The following PKNOX1 variants were observed in gnomAD, a reference collection of about 807,000 sequenced individuals.
The protein encoded by PKNOX1 is homeobox protein PKNOX1.
In PKNOX1, 15 loss-of-function variants were observed where a neutral mutation model predicts 51.9. The ratio of observed to expected loss-of-function variants is 0.29; its 90% CI spans 0.19 to 0.45. PKNOX1 has a LOEUF of 0.45. PKNOX1 is among the 20% of genes least tolerant of loss of function. The pLI, the probability that PKNOX1 is intolerant of heterozygous loss-of-function variation, is 1.00. For missense variants in PKNOX1, 462 were observed against 547.5 expected (o/e 0.84, Z 1.56); for synonymous variants, 219 against 211.1 (o/e 1.04, Z -0.32).
At chr21:43,006,276 A>G (rs965572337) in intron 2 of PKNOX1, among the ~76,000 whole-genome samples, 1 of 152,074 alleles carries the variant, frequency 6.6e-6, no homozygotes, top group Non-Finnish European at 1.5e-5. Context: ...GGTGTGTGCC[A>G]CCACGCCCAG....
At position 43,004,431 on chromosome 21, in the gene PKNOX1, AGGTGAGC is replaced by A; in HGVS notation, c.51_51+6del. On this transcript the variant is annotated splice_donor_variant and splice_donor_5th_base_variant and coding_sequence_variant and intron_variant, in exon 2 of 11. Coordinates refer to ENST00000291547, the MANE Select transcript of PKNOX1 (RefSeq NM_004571.5). LOFTEE classifies it high-confidence loss of function. The stretch of plus-strand genomic sequence containing the variant: ...ATAGACAGCTATCAAGATGGGCAAC[AGGTGAGC>A]TTGAACTTGATTCTGCATTCTAATT... 4 of 1,599,792 alleles carry A rather than the reference AGGTGAGC, an allele frequency of 2.5e-6. No homozygotes were observed. Among genetic ancestry groups the A allele is most frequent in the Non-Finnish European group, 3.4e-6 (4 of 1,166,996 alleles).
At position 43,030,803 on chromosome 21, in the gene PKNOX1, A is replaced by T. The variant is rs1980231995; in HGVS notation, c.*702A>T. The T allele has an allele frequency of 6.6e-6, 1 of 152,262 alleles. No individual in the cohort carries two copies. The highest frequency in any genetic ancestry group is 1.5e-5 in the Non-Finnish European group (1 of 68,034). 9.4% of individuals were successfully genotyped at this position (152,262 alleles called of 1,614,324 possible). On this transcript the variant is annotated 3_prime_UTR_variant, in exon 11 of 11. Transcript: ENST00000291547. ...GCTTGCTATTAATATTTCAATTTGG[A>T]ATGTTCTGAATTGACCAAATTTAAT... is the stretch of plus-strand genomic sequence containing the variant.
intron 1 of PKNOX1, among the ~76,000 whole-genome samples, chr21:42,987,269 C>CTACTCGGG (rs2059056639): frequency 1.3e-5 from 2 of 150,220 alleles, no homozygotes; most frequent in African/African-American, 4.9e-5. Flanking sequence ...GTAATCCCAG[C>CTACTCGGG]TACTCGGGAG....
At chr21:43,009,348 G>T (rs2146268792) in intron 3 of PKNOX1, among the ~76,000 whole-genome samples, 1 of 152,234 alleles carries the variant, frequency 6.6e-6, no homozygotes, top group Middle Eastern at 3.4e-3. Flanking sequence ...GGGAGGCTGA[G>T]GCAGGAGAAT....
chr21:42,985,137 G>A (rs963974452), intron 1 of PKNOX1, among the ~76,000 whole-genome samples: 22 of 151,734 alleles, frequency 1.4e-4, no homozygotes, highest in Non-Finnish European at 2.6e-4. Flanking sequence ...ACAGGCATGC[G>A]CCACCATGCC....
At chr21:42,984,083 C>T (rs199823187) in intron 1 of PKNOX1, among the ~76,000 whole-genome samples, 19 of 149,822 alleles carry the variant, frequency 1.3e-4, no homozygotes, top group South Asian at 6.3e-4. Flanking sequence ...CGTGTGTGTG[C>T]GTGTGTGTGT....
At chr21:43,028,063 G>A (rs1046593284) in intron 9 of PKNOX1, among the ~76,000 whole-genome samples, 2 of 152,240 alleles carry the variant, frequency 1.3e-5, no homozygotes, top group Admixed American at 6.5e-5. Context: ...TGGTGCCTAC[G>A]TGCTGTGCTG....
rs185119189 is a variant in PKNOX1, at chr21:42,995,726, G to A, written c.-56-8600G>A. Among the ~76,000 whole-genome samples, 19 of 152,192 alleles carry A rather than the reference G, an allele frequency of 1.2e-4. No homozygotes were observed. The East Asian group carries it at 3.3e-3, about 26-fold the overall frequency. On this transcript the variant is annotated intron_variant, in intron 1 of 10. Transcript: ENST00000291547. Reference sequence around the variant, plus strand: ...CTTGTGGCAGGTACTTTGAGATTATGTACATTTCCTGTTTCTCATACTTTC... The same window carrying A: ...CTTGTGGCAGGTACTTTGAGATTATATACATTTCCTGTTTCTCATACTTTC...
At chr21:43,023,734 C>G (rs1026750481) in intron 8 of PKNOX1, among the ~76,000 whole-genome samples, 3 of 151,966 alleles carry the variant, frequency 2.0e-5, no homozygotes, top group Non-Finnish European at 4.4e-5. Flanking sequence ...TCTGCCTCAG[C>G]CTCCCGAATA....
intron 3 of PKNOX1, 170 bp downstream of exon 3, chr21:43,007,788 G>C (rs1479795519): frequency 9.1e-6 from 6 of 657,646 alleles, no homozygotes; most frequent in African/African-American, 7.3e-5. Flanking sequence ...TTCTGGCCAG[G>C]TGTGGTGGCT....
rs1018836011 is a variant in PKNOX1 at position 43,021,158 on chromosome 21, A to C, written c.721-145A>C. ...GGAGGGAGCCGTGTCCTGAAACATC[A>C]GTCCACACAGGGTTCCCGTGCATGG... On this transcript the variant is annotated intron_variant, in intron 7 of 10. Coordinates refer to ENST00000291547, the MANE Select transcript of PKNOX1 (RefSeq NM_004571.5). The surrounding 1 kb of genome is among the most constrained non-coding windows in gnomAD (Gnocchi z 4.6). The C allele has an allele frequency of 5.4e-6, 3 of 559,296 alleles. No homozygotes were observed. Among genetic ancestry groups the C allele is most frequent in the Non-Finnish European group, 9.3e-6 (3 of 321,744 alleles). 34.6% of individuals were successfully genotyped at this position (559,296 alleles called of 1,614,324 possible).
intron 8 of PKNOX1, among the ~76,000 whole-genome samples, chr21:43,022,782 A>G (rs1005049533): frequency 2.0e-5 from 3 of 152,186 alleles, no homozygotes; most frequent in African/African-American, 7.2e-5. Context: ...TACTGGTTTG[A>G]TGGAGTATCA....
Position 43,004,405 on chromosome 21 carries a change from T to C in PKNOX1, c.24T>C (p.Ser8=). The C allele has an allele frequency of 6.2e-7, 1 of 1,609,296 alleles. No homozygotes were observed. The highest frequency in any genetic ancestry group is 8.5e-7 in the Non-Finnish European group (1 of 1,175,678). The change falls in exon 2 of 11, where the codon AGT becomes AGC. Residue 8 remains serine (S), a synonymous_variant. Transcript: ENST00000291547. ...CCATGATGGCTACACAGACATTAAG[T>C]ATAGACAGCTATCAAGATGGGCAAC... The part of the protein sequence containing the change: MMATQTL[S]IDSYQDGQQM...
At chr21:42,975,583 C>T (rs1037237083) in intron 1 of PKNOX1, among the ~76,000 whole-genome samples, 4 of 152,256 alleles carry the variant, frequency 2.6e-5, no homozygotes, top group African/African-American at 4.8e-5. Flanking sequence ...ATCCTCGTGG[C>T]TCTCGAAATG....
At chr21:43,014,713 G>A (rs935082292) in intron 5 of PKNOX1, among the ~76,000 whole-genome samples, 1 of 152,188 alleles carries the variant, frequency 6.6e-6, no homozygotes, top group East Asian at 1.9e-4. Context: ...GGCCTCAAAA[G>A]TTTTATAGTT....
intron 1 of PKNOX1, among the ~76,000 whole-genome samples, chr21:42,992,442 C>T (rs183988529): frequency 3.7e-4 from 57 of 152,266 alleles, no homozygotes; most frequent in Non-Finnish European, 6.5e-4. Flanking sequence ...GTGAACCCCC[C>T]GGTCACACTG....
At chr21:43,027,221 A>C (rs1479858416) in intron 9 of PKNOX1, among the ~76,000 whole-genome samples, 1 of 152,208 alleles carries the variant, frequency 6.6e-6, no homozygotes, top group Admixed American at 6.5e-5. Context: ...AAGAAGACAG[A>C]AACGAGGCCT....
chr21:43,002,406 C>T (rs1250794687), intron 1 of PKNOX1, among the ~76,000 whole-genome samples: 4 of 50,186 alleles, frequency 8.0e-5, no homozygotes, highest in South Asian at 6.9e-4. Context: ...TTGACTGTGC[C>T]CCCTCCCTTG....
chr21:43,018,479 CA>C lies in PKNOX1; in HGVS notation c.720+250del, dbSNP rs1568902146. Among the ~76,000 whole-genome samples, 11 of 18,506 alleles carry C rather than the reference CA, an allele frequency of 5.9e-4. 5 individuals are homozygous for C. Among genetic ancestry groups the C allele is most frequent in the African/African-American group, 2.8e-3 (9 of 3,238 alleles). 12.1% of individuals were successfully genotyped at this position (18,506 alleles called of 152,430 possible). The stretch of plus-strand genomic sequence containing the variant: ...TCATAACCACCCCCTGCCACCCACA[CA>C]CACACACACACACACACACACACAC... On this transcript the variant is annotated intron_variant, in intron 7 of 10. Transcript: ENST00000291547.
Sources: allele counts gnomAD v4.1 joint callset (sites outside exome capture counted in the v4.1 genomes callset), GRCh38; gene constraint gnomAD v4.1.1; non-coding constraint Gnocchi (gnomAD v3.1); transcripts MANE v1.5; gene names NCBI Gene and HGNC (gene_info 2026-07-23, HGNC 2026-07-21).